Variants in COL20A1 observed in about 807,000 individuals in gnomAD.
COL20A1 encodes the protein collagen type XX alpha 1 chain.
COL20A1 carries 164 observed loss-of-function variants against 152.9 expected under a neutral mutation model. That is an observed-to-expected ratio of 1.07 (90% CI 0.94 to 1.22). COL20A1 has a LOEUF of 1.22. COL20A1 is among the 50% of genes most tolerant of loss of function. COL20A1 has a pLI of 0.00. For missense variants in COL20A1, 1,873 were observed against 1,744.8 expected, an observed-to-expected ratio of 1.07 and a Z score of -1.31; for synonymous variants, 864 against 756.0, an observed-to-expected ratio of 1.14 and a Z score of -2.34.
intron 34 of COL20A1, 83 bp downstream of exon 34, chr20:63,328,581 A>G: frequency 1.5e-6 from 2 of 1,331,650 alleles, no homozygotes; most frequent in Non-Finnish European, 2.0e-6. Context: ...TGGGGCTTCA[A>G]TCTGTGTCAG....
In COL20A1 at chr20:63,305,561, G is replaced by T; in HGVS notation, c.337+1G>T. Reference sequence around the variant, plus strand: ...CTGCTAGCTCGGAGGGAGTTTGTGAGTAAGTCCACCGTCTGCCAGCTGGGT... The same window carrying T: ...CTGCTAGCTCGGAGGGAGTTTGTGATTAAGTCCACCGTCTGCCAGCTGGGT... On this transcript the variant is annotated splice_donor_variant, in intron 4 of 35. Transcript: ENST00000358894. LOFTEE classifies it high-confidence loss of function. The surrounding 1 kb of genome is among the most constrained non-coding windows in gnomAD (Gnocchi z 4.9). The T allele has an allele frequency of 1.9e-6, 3 of 1,591,156 alleles. No homozygotes were observed. The highest frequency in any genetic ancestry group is 2.6e-6 in the Non-Finnish European group (3 of 1,170,512).
intron 32 of COL20A1, 42 bp from the exon 33 acceptor site, chr20:63,328,037 C>A (rs899442311): frequency 1.2e-6 from 2 of 1,612,950 alleles, no homozygotes; most frequent in African/African-American, 2.7e-5. Flanking sequence ...TGGGAAGGCA[C>A]CTGCCACACG....
At chr20:63,293,658 G>A (rs931471627) in intron 1 of COL20A1, among the ~76,000 whole-genome samples, 12 of 152,068 alleles carry the variant, frequency 7.9e-5, no homozygotes, top group Non-Finnish European at 1.8e-4. Flanking sequence ...GGACTTGGGG[G>A]CACTCGGGCT....
chr20:63,325,345 G>C, intron 27 of COL20A1, 96 bp from the exon 28 acceptor site: 1 of 944,682 alleles, frequency 1.1e-6, no homozygotes, highest in Non-Finnish European at 1.7e-6. Flanking sequence ...ACCCAGGGCC[G>C]TGCAGTCCAG....
intron 8 of COL20A1, 49 bp from the exon 9 acceptor site, chr20:63,309,284 G>A (rs546756135): frequency 2.5e-5 from 34 of 1,360,628 alleles, no homozygotes; most frequent in Admixed American, 6.4e-5. Flanking sequence ...AGGTGGCCCC[G>A]TCGGGTGACC....
chr20:63,308,112 C>T (rs192073040), intron 7 of COL20A1, 22 bp downstream of exon 7: 1 of 1,610,728 alleles, frequency 6.2e-7, no homozygotes, highest in Admixed American at 1.7e-5. Flanking sequence ...GCCTGCCCCT[C>T]CCTCTGTCCT....
rs2067971196 is a variant in COL20A1, at chr20:63,309,288, G to A, written c.941-45G>A. The A allele has an allele frequency of 8.0e-6, 11 of 1,374,216 alleles. No individual in the cohort carries two copies. The Admixed American group carries it at 2.8e-4, about 35-fold the overall frequency. 85.1% of individuals were successfully genotyped at this position (1,374,216 alleles called of 1,614,324 possible). A position where few individuals can be genotyped will look rare whatever the true frequency, so the allele number is the denominator to read the frequency against. The stretch of plus-strand genomic sequence containing the variant: ...ACCCCCACCGCAGGTGGCCCCGTCG[G>A]GTGACCCCAGTGCAGGCCAACCCCA... On this transcript the variant is annotated intron_variant, in intron 8 of 35. Coordinates refer to ENST00000358894, the MANE Select transcript of COL20A1 (RefSeq NM_020882.4).
Position 63,312,420 on chromosome 20 carries a change from A to G in COL20A1, c.1804A>G (p.Thr602Ala). The change falls in exon 15 of 36, where the codon ACA becomes GCA. Residue 602 changes from threonine to alanine, a missense_variant and splice_region_variant. By Grantham distance (58) the Thr-to-Ala change is moderately conservative. Transcript: ENST00000358894. The part of the protein sequence containing the change: ...VSSEGGHSGQ[T>A]EAPGNATSAT... Reference sequence around the variant, plus strand: ...CATGTCGCCCTCCCACCTGCTGCAGACAGAGGCTCCTGGGAACGCCACCTC... The same window carrying G: ...CATGTCGCCCTCCCACCTGCTGCAGGCAGAGGCTCCTGGGAACGCCACCTC... The G allele has an allele frequency of 6.3e-7, 1 of 1,585,064 alleles. No individual in the cohort carries two copies. The highest frequency in any genetic ancestry group is 8.6e-7 in the Non-Finnish European group (1 of 1,168,854).
chr20:63,319,062 G>A lies in COL20A1; in HGVS notation c.2668G>A (p.Val890Ile), dbSNP rs199887430. 368 of 1,596,708 alleles carry A rather than the reference G, an allele frequency of 2.3e-4. No individual in the cohort carries two copies. Among genetic ancestry groups the A allele is most frequent in the Non-Finnish European group, 1.2e-4 (142 of 1,170,670 alleles). Residue 890 changes from valine to isoleucine, a missense_variant, in exon 22 of 36, where the codon GTC (valine) becomes ATC (isoleucine). Coordinates refer to ENST00000358894, the MANE Select transcript of COL20A1 (RefSeq NM_020882.4). The surrounding 1 kb of genome is among the most constrained non-coding windows in gnomAD (Gnocchi z 4.4). Reference sequence around the variant, plus strand: ...TCCCTCCCCCAACCCCCACAGTGACGTCTACCCAGCCCCCCTACCTCCAGA... The same window carrying A: ...TCCCTCCCCCAACCCCCACAGTGACATCTACCCAGCCCCCCTACCTCCAGA... ...DAQLTRRVSD[V>I]YPAPLPPEHT...
rs542010659 is a variant in COL20A1 at position 63,298,697 on chromosome 20, C to T, written c.193+677C>T. ...GAACCCCAGAAGCACCTGCTCCCCA[C>T]GCGTTAATCCTTGTTTCCAGGAGCA... is the stretch of plus-strand genomic sequence containing the variant. On this transcript the variant is annotated intron_variant, in intron 3 of 35. Coordinates refer to ENST00000358894, the MANE Select transcript of COL20A1 (RefSeq NM_020882.4). 4.7e-4 allele frequency among the ~76,000 whole-genome samples: 72 copies of T among 152,336 alleles called. 1 individual carries two copies. Among genetic ancestry groups the T allele is most frequent in the African/African-American group, 1.5e-3 (64 of 41,580 alleles).
chr20:63,312,767 C>CTGAGTGG (rs1568776422), intron 15 of COL20A1, 25 bp from the exon 16 acceptor site: 2 of 1,527,794 alleles, frequency 1.3e-6, no homozygotes, highest in East Asian at 4.9e-5. Context: ...GCTACACCCC[C>CTGAGTGG]AGCCTGTGTC....
In COL20A1 at chr20:63,313,376, A is replaced by G; in HGVS notation, c.2209+127A>G. On this transcript the variant is annotated intron_variant, in intron 17 of 35. Coordinates refer to ENST00000358894, the MANE Select transcript of COL20A1 (RefSeq NM_020882.4). The surrounding 1 kb of genome is among the most constrained non-coding windows in gnomAD (Gnocchi z 5.9). ...AACTGCTGGCTCCAGAGCCCTGATC[A>G]CTGGGCCTGGTCGTTGGAGTCTGCA... 9.4e-7 allele frequency: 1 copy of G among 1,060,784 alleles called. No homozygotes were observed. Among genetic ancestry groups the G allele is most frequent in the Non-Finnish European group, 1.3e-6 (1 of 748,144 alleles). The allele number at this position is 1,060,784 out of a possible 1,614,324, so 65.7% of individuals were successfully genotyped here. A position where few individuals can be genotyped will look rare whatever the true frequency, so the allele number is the denominator to read the frequency against.
chr20:63,326,901 G>T, intron 31 of COL20A1, 78 bp downstream of exon 31: 1 of 1,030,252 alleles, frequency 9.7e-7, no homozygotes. Context: ...CAACCACTCA[G>T]GGACTTCCTA....
chr20:63,298,487 C>T (rs2067827097), intron 3 of COL20A1, among the ~76,000 whole-genome samples: 1 of 152,000 alleles, frequency 6.6e-6, no homozygotes, highest in African/African-American at 2.4e-5. Context: ...GAAGAGGTTT[C>T]ACCATGTTGC....
chr20:63,299,608 C>T (rs2067840953), intron 3 of COL20A1, among the ~76,000 whole-genome samples: 1 of 152,186 alleles, frequency 6.6e-6, no homozygotes, highest in South Asian at 2.1e-4. Flanking sequence ...TGCCCGTAAC[C>T]ACTGAGCTGT....
Position 63,319,249 on chromosome 20 carries a change from G to C in COL20A1, c.2806+49G>C. 6.3e-7 allele frequency: 1 copy of C among 1,580,486 alleles called. No homozygotes were observed. The highest frequency in any genetic ancestry group is 8.6e-7 in the Non-Finnish European group (1 of 1,159,782). On this transcript the variant is annotated intron_variant, in intron 22 of 35. Coordinates refer to ENST00000358894, the MANE Select transcript of COL20A1 (RefSeq NM_020882.4). This position sits in a 1 kb window ranked among gnomAD's most constrained non-coding sequence, Gnocchi z 4.4. ...CCAGCAGTCAGGAGGAGTAGGGGCA[G>C]GGAGGCCCCAGAGCCCTGGGAGGCC...
chr20:63,296,085 C>G (rs982222217), intron 2 of COL20A1, among the ~76,000 whole-genome samples: 1 of 152,254 alleles, frequency 6.6e-6, no homozygotes, highest in Non-Finnish European at 1.5e-5. Flanking sequence ...TGCGGGAGCC[C>G]CGGTGTAGCG....
rs775700248 is a variant in COL20A1 at position 63,309,346 on chromosome 20, C to T, written c.954C>T (p.Ala318=). 2.2e-5 allele frequency: 33 copies of T among 1,499,362 alleles called. No individual in the cohort carries two copies. Among genetic ancestry groups the T allele is most frequent in the Middle Eastern group, 1.7e-4 (1 of 5,720 alleles). 92.9% of individuals were successfully genotyped at this position (1,499,362 alleles called of 1,614,324 possible). A position where few individuals can be genotyped will look rare whatever the true frequency, so the allele number is the denominator to read the frequency against. ...CCTCACGAGCAGGTGTGAAGAACGCCGATGAGGCTGAGCTGAGGCTCCTGG... is the reference window on the plus strand; with the variant it reads ...CCTCACGAGCAGGTGTGAAGAACGCTGATGAGGCTGAGCTGAGGCTCCTGG... ...VNVFAVGVKN[A]DEAELRLLAS... The change falls in exon 9 of 36, where the codon GCC becomes GCT. Residue 318 remains alanine, a synonymous_variant. Transcript: ENST00000358894.
At chr20:63,299,157 G>A (rs2067835286) in intron 3 of COL20A1, among the ~76,000 whole-genome samples, 1 of 152,216 alleles carries the variant, frequency 6.6e-6, no homozygotes, top group Non-Finnish European at 1.5e-5. Flanking sequence ...TGATGGACAT[G>A]TGGCTTGTGT....
Sources: allele counts gnomAD v4.1 joint callset (sites outside exome capture counted in the v4.1 genomes callset), GRCh38; gene constraint gnomAD v4.1.1; non-coding constraint Gnocchi (gnomAD v3.1); transcripts MANE v1.5; gene names NCBI Gene and HGNC (gene_info 2026-07-23, HGNC 2026-07-21).